Variants in ROR1 observed in about 807,000 individuals in gnomAD.
ROR1 encodes ROR family WNT receptor 1.
A neutral mutation model predicts 78.8 loss-of-function variants in ROR1; 19 were observed. That is an observed-to-expected ratio of 0.24 (90% CI 0.17 to 0.35). ROR1 has a LOEUF of 0.35. Ranked by LOEUF, ROR1 falls within the 10% of genes least tolerant of loss-of-function variation. ROR1 has a pLI of 1.00. For synonymous variants in ROR1, 386 were observed against 433.6 expected, an observed-to-expected ratio of 0.89 and a Z score of 1.36; for missense variants, 917 against 1,177.8, an observed-to-expected ratio of 0.78 and a Z score of 3.24.
chr1:64,083,292 G>T (rs1489551470), intron 4 of ROR1, among the ~76,000 whole-genome samples: 1 of 152,160 alleles, frequency 6.6e-6, no homozygotes, highest in Admixed American at 6.5e-5. Flanking sequence ...TGTCATCAAA[G>T]AAAATCTGAG....
intron 4 of ROR1, among the ~76,000 whole-genome samples, chr1:64,057,473 C>G (rs374193791): frequency 2.6e-5 from 4 of 152,126 alleles, no homozygotes; most frequent in African/African-American, 9.7e-5. Flanking sequence ...AGATATATTA[C>G]AAAGAATTTG....
chr1:63,961,339 A>G (rs967756706), intron 1 of ROR1, among the ~76,000 whole-genome samples: 7 of 152,234 alleles, frequency 4.6e-5, no homozygotes, highest in Non-Finnish European at 7.3e-5. Context: ...TACTGGGTAC[A>G]TATCCAAAGG....
chr1:64,112,908 G>A (rs1648166915), intron 4 of ROR1, among the ~76,000 whole-genome samples: 2 of 152,160 alleles, frequency 1.3e-5, no homozygotes, highest in African/African-American at 4.8e-5. Context: ...TGGACAGCCT[G>A]CCAGCATTCC....
intron 1 of ROR1, among the ~76,000 whole-genome samples, chr1:63,786,256 ATTTTTTTTTTTTTTTTTTTTTTTT>A (rs34933492): frequency 1.9e-4 from 13 of 67,472 alleles, no homozygotes; most frequent in African/African-American, 6.0e-4. Context: ...CTACAACTTG[ATTTTTTTTTTTTTTTTTTTTTTTT>A]TTTTTTTTTT....
rs1570014412 is a variant in ROR1, at chr1:63,984,493, G to A, written c.92-24812G>A. 2.0e-5 allele frequency among the ~76,000 whole-genome samples: 3 copies of A among 152,230 alleles called. No individual in the cohort carries two copies. The South Asian group carries it at 6.2e-4, about 32-fold the overall frequency. On this transcript the variant is annotated intron_variant, in intron 1 of 8. Coordinates refer to ENST00000371079, the MANE Select transcript of ROR1 (RefSeq NM_005012.4). Reference sequence around the variant, plus strand: ...AGTGATGGCTTTGTGGCTCAGGCAGGGAAATGTCCCTGGCTAATTGCACAT... The same window carrying A: ...AGTGATGGCTTTGTGGCTCAGGCAGAGAAATGTCCCTGGCTAATTGCACAT...
At chr1:63,929,095 G>A (rs540614085) in intron 1 of ROR1, among the ~76,000 whole-genome samples, 2 of 152,260 alleles carry the variant, frequency 1.3e-5, no homozygotes, top group South Asian at 2.1e-4. Context: ...CAGGGATATG[G>A]GGCTTCCACC....
At chr1:63,968,649 G>T (rs776373226) in intron 1 of ROR1, among the ~76,000 whole-genome samples, 1 of 152,140 alleles carries the variant, frequency 6.6e-6, no homozygotes, top group South Asian at 2.1e-4. Flanking sequence ...TTCTGCCCCC[G>T]AGTTTATTGT....
At chr1:64,107,214 C>A (rs1434258770) in intron 4 of ROR1, among the ~76,000 whole-genome samples, 3 of 152,006 alleles carry the variant, frequency 2.0e-5, no homozygotes, top group Admixed American at 6.6e-5. Context: ...TAGTTGTTGC[C>A]CCCATTTTGC....
At chr1:63,824,820 T>G (rs1402287521) in intron 1 of ROR1, among the ~76,000 whole-genome samples, 1 of 152,214 alleles carries the variant, frequency 6.6e-6, no homozygotes, top group African/African-American at 2.4e-5. Flanking sequence ...AATATTTTGA[T>G]GTGTCTTTTT....
chr1:64,009,157 C>T, intron 1 of ROR1, 148 bp from the exon 2 acceptor site: 1 of 631,662 alleles, frequency 1.6e-6, no homozygotes, highest in South Asian at 2.2e-5. Flanking sequence ...CTAGAGCCAC[C>T]ATTCCAGTCT....
intron 2 of ROR1, among the ~76,000 whole-genome samples, chr1:64,020,256 A>G (rs1646554196): frequency 6.6e-6 from 1 of 152,212 alleles, no homozygotes; most frequent in African/African-American, 2.4e-5. Flanking sequence ...CCTACGTCAC[A>G]AAGCAGTGAA....
chr1:64,014,738 C>CTAT lies in ROR1; in HGVS notation c.163+5362_163+5363insTAT, dbSNP rs1456430703. On this transcript the variant is annotated intron_variant, in intron 2 of 8. Coordinates refer to ENST00000371079, the MANE Select transcript of ROR1 (RefSeq NM_005012.4). ...CTATATATATATATACACATACGCACACTATATATATATATATATATATAT... is the reference window on the plus strand; with the variant it reads ...CTATATATATATATACACATACGCACTATACTATATATATATATATATATATAT... 2.5e-3 allele frequency among the ~76,000 whole-genome samples: 23 copies of CTAT among 9,066 alleles called. 3 individuals carry two copies. Among genetic ancestry groups the CTAT allele is most frequent in the South Asian group, 0.017 (2 of 116 alleles). The allele number at this position is 9,066 out of a possible 152,430, so 5.9% of individuals were successfully genotyped here. A position where few individuals can be genotyped will look rare whatever the true frequency, so the allele number is the denominator to read the frequency against.
chr1:63,949,623 A>G (rs972762215), intron 1 of ROR1, among the ~76,000 whole-genome samples: 1 of 152,160 alleles, frequency 6.6e-6, no homozygotes, highest in African/African-American at 2.4e-5. Flanking sequence ...GCTGGCCCAC[A>G]TTCACAGAAT....
intron 1 of ROR1, among the ~76,000 whole-genome samples, chr1:63,947,144 C>T (rs1189070665): frequency 6.6e-6 from 1 of 152,178 alleles, no homozygotes; most frequent in Non-Finnish European, 1.5e-5. Flanking sequence ...TGAGTAAATA[C>T]TCTGATAGAC....
At chr1:63,830,469 G>A (rs1644980683) in intron 1 of ROR1, among the ~76,000 whole-genome samples, 1 of 152,196 alleles carries the variant, frequency 6.6e-6, no homozygotes, top group Admixed American at 6.5e-5. Context: ...TTACATGGCA[G>A]AGGAGGAGAG....
At chr1:63,999,197 G>C (rs1322544684) in intron 1 of ROR1, among the ~76,000 whole-genome samples, 1 of 152,138 alleles carries the variant, frequency 6.6e-6, no homozygotes, top group Non-Finnish European at 1.5e-5. Context: ...CCAATAGAAG[G>C]CTCCTTTGAG....
At chr1:64,146,465 GACTC>G (rs903823947) in intron 7 of ROR1, among the ~76,000 whole-genome samples, 4 of 152,296 alleles carry the variant, frequency 2.6e-5, no homozygotes, top group Admixed American at 1.3e-4. Context: ...GATAGAGCGA[GACTC>G]AGTCTCAAGA....
intron 2 of ROR1, among the ~76,000 whole-genome samples, chr1:64,042,331 C>T (rs1646751532): frequency 6.6e-6 from 1 of 152,096 alleles, no homozygotes; most frequent in Non-Finnish European, 1.5e-5. Flanking sequence ...CCTTTAACCC[C>T]CACAACATCC....
chr1:63,967,979 T>C (rs753967770), intron 1 of ROR1, among the ~76,000 whole-genome samples: 38 of 152,232 alleles, frequency 2.5e-4, no homozygotes, highest in Non-Finnish European at 4.4e-4. Context: ...TTACAATAGA[T>C]ACACAAATTC....
Sources: allele counts gnomAD v4.1 joint callset (sites outside exome capture counted in the v4.1 genomes callset), GRCh38; gene constraint gnomAD v4.1.1; transcripts MANE v1.5; gene names NCBI Gene and HGNC (gene_info 2026-07-23, HGNC 2026-07-21).